The following TUSC3 variants were observed in gnomAD, a reference collection of about 807,000 sequenced individuals.
TUSC3 encodes dolichyl-diphosphooligosaccharide--protein glycosyltransferase subunit TUSC3.
A neutral mutation model predicts 44.8 loss-of-function variants in TUSC3; 45 were observed. That is an observed-to-expected ratio of 1.00 (90% CI 0.79 to 1.29). The LOEUF (loss-of-function observed/expected upper bound fraction) is 1.29. TUSC3 is among the 50% of genes most tolerant of loss of function. The probability of loss-of-function intolerance (pLI) is 0.00; values close to 1 mark genes in which losing one functional copy is unlikely to be tolerated. For missense variants in TUSC3, 519 were observed against 437.9 expected, an observed-to-expected ratio of 1.19 and a Z score of -1.65; for synonymous variants, 212 against 152.9, an observed-to-expected ratio of 1.39 and a Z score of -2.85.
At position 15,423,969 on chromosome 8, in the gene TUSC3, G is replaced by GTTTTTTT. The variant is rs112397215; in HGVS notation, n.91+6696_91+6702dup. ...TACAGCATTCATACTGTTTTGCTTTGTTTTTTTTTTTTTTTTTTTTTTTTT... is the reference window on the plus strand; with the variant it reads ...TACAGCATTCATACTGTTTTGCTTTGTTTTTTTTTTTTTTTTTTTTTTTTTTTTTTTT... On this transcript the variant is annotated intron_variant and non_coding_transcript_variant, in intron 1 of 5. Coordinates refer to the TUSC3 transcript ENST00000503191. Among the ~76,000 whole-genome samples the GTTTTTTT allele has an allele frequency of 2.0e-3, 142 of 70,320 alleles. 18 individuals carry two copies. Among genetic ancestry groups the GTTTTTTT allele is most frequent in the Non-Finnish European group, 2.6e-3 (83 of 31,926 alleles). 46.1% of individuals were successfully genotyped at this position (70,320 alleles called of 152,430 possible).
At chr8:15,819,993 G>C in the TUSC3 span, among the ~76,000 whole-genome samples, 1 of 152,074 alleles carries the variant, frequency 6.6e-6, no homozygotes, top group Non-Finnish European at 1.5e-5. Flanking sequence ...TTATTATGCT[G>C]ACTACATGTT....
At chr8:15,653,720 G>C (rs573211416) in intron 3 of TUSC3, among the ~76,000 whole-genome samples, 64 of 152,318 alleles carry the variant, frequency 4.2e-4, no homozygotes, top group African/African-American at 1.5e-3. Context: ...ATCTACAGAA[G>C]TGGAGAAGTA....
chr8:15,526,428 C>G (rs903212988), intron 2 of TUSC3, among the ~76,000 whole-genome samples: 1 of 152,068 alleles, frequency 6.6e-6, no homozygotes, highest in Non-Finnish European at 1.5e-5. Context: ...GTGTTCCTAC[C>G]CAAATCGCAT....
At chr8:15,825,536 T>A in the TUSC3 span, among the ~76,000 whole-genome samples, 9 of 152,064 alleles carry the variant, frequency 5.9e-5, no homozygotes, top group Admixed American at 3.3e-4. Context: ...AGCTACAATT[T>A]GTGATGAGAT....
intron 1 of TUSC3, among the ~76,000 whole-genome samples, chr8:15,448,829 C>T (rs1005943703): frequency 3.3e-5 from 5 of 152,174 alleles, no homozygotes; most frequent in Non-Finnish European, 5.9e-5. Flanking sequence ...TTTTGGTCAA[C>T]AGACTCTATA....
chr8:15,742,867 T>A (rs1209771081), intron 7 of TUSC3, among the ~76,000 whole-genome samples: 1 of 152,240 alleles, frequency 6.6e-6, no homozygotes, highest in East Asian at 1.9e-4. Flanking sequence ...AATTTCCCAT[T>A]TTCTTAATTC....
intron 2 of TUSC3, among the ~76,000 whole-genome samples, chr8:15,500,368 C>T (rs1466336874): frequency 3.3e-5 from 5 of 152,144 alleles, no homozygotes; most frequent in Admixed American, 2.6e-4. Flanking sequence ...CCTAAATTAC[C>T]ACCAAAGGTC....
intron 1 of TUSC3, among the ~76,000 whole-genome samples, chr8:15,465,409 C>G (rs1800401636): frequency 1.3e-5 from 2 of 152,108 alleles, no homozygotes; most frequent in Admixed American, 6.6e-5. Context: ...ATTCTGAATT[C>G]AAACCACCAA....
chr8:15,813,827 C>T, the TUSC3 span, among the ~76,000 whole-genome samples: 3 of 151,926 alleles, frequency 2.0e-5, no homozygotes, highest in Admixed American at 2.0e-4. Context: ...TGCTAACCAT[C>T]GAAGTATTAC....
intron 1 of TUSC3, among the ~76,000 whole-genome samples, chr8:15,568,905 A>G (rs950339266): frequency 3.3e-5 from 5 of 151,800 alleles, no homozygotes; most frequent in Admixed American, 6.6e-5. Context: ...TTTCATTCTA[A>G]GCTTTAACCT....
intron 1 of TUSC3, among the ~76,000 whole-genome samples, chr8:15,428,068 A>C (rs1177721686): frequency 4.0e-5 from 6 of 150,390 alleles, no homozygotes; most frequent in Non-Finnish European, 8.9e-5. Context: ...TGCTGCACCC[A>C]TTAACTCGTC....
In TUSC3 at chr8:15,676,713, A is replaced by C. The variant is rs187424874; in HGVS notation, c.798+2877A>C. Reference sequence around the variant, plus strand: ...GAATGCTGCTAAACACCTAAAATACAAAGGACAGCCTCCTATACCCAATTA... The same window carrying C: ...GAATGCTGCTAAACACCTAAAATACCAAGGACAGCCTCCTATACCCAATTA... On this transcript the variant is annotated intron_variant, in intron 6 of 10. Coordinates refer to ENST00000503731, the MANE Select transcript of TUSC3 (RefSeq NM_006765.4). 1.5e-3 allele frequency among the ~76,000 whole-genome samples: 235 copies of C among 152,324 alleles called. 2 individuals carry two copies. Among genetic ancestry groups the C allele is most frequent in the South Asian group, 0.013 (65 of 4,830 alleles).
At chr8:15,837,131 T>G in the TUSC3 span, among the ~76,000 whole-genome samples, 1 of 152,210 alleles carries the variant, frequency 6.6e-6, no homozygotes, top group Non-Finnish European at 1.5e-5. Context: ...CAGTGTATGC[T>G]GTAGTGGATA....
intron 2 of TUSC3, among the ~76,000 whole-genome samples, chr8:15,515,676 A>G (rs1801207199): frequency 6.6e-6 from 1 of 151,926 alleles, no homozygotes; most frequent in Admixed American, 6.6e-5. Flanking sequence ...ATGTATATAC[A>G]TATTTTTTTG....
chr8:15,573,284 T>C (rs1051001644), intron 1 of TUSC3, among the ~76,000 whole-genome samples: 3 of 148,322 alleles, frequency 2.0e-5, no homozygotes, highest in Admixed American at 1.4e-4. Context: ...AGGCCTAGGA[T>C]TATTCTGTTT....
At chr8:15,506,535 T>G (rs994169383) in intron 2 of TUSC3, among the ~76,000 whole-genome samples, 1 of 152,194 alleles carries the variant, frequency 6.6e-6, no homozygotes, top group East Asian at 1.9e-4. Context: ...GGAGGTTTAA[T>G]GGACTCACAG....
chr8:15,429,607 A>G lies in TUSC3; in HGVS notation n.91+12302A>G, dbSNP rs1294385536. Among the ~76,000 whole-genome samples the G allele has an allele frequency of 7.3e-5, 11 of 151,608 alleles. 1 individual carries two copies. The highest frequency in any genetic ancestry group is 3.2e-3 in the Middle Eastern group (1 of 314). The stretch of plus-strand genomic sequence containing the variant: ...TGATATTGATTCTTCCTACCCATGA[A>G]CATGGACTGTTCTTCCATTTGTTTG... On this transcript the variant is annotated intron_variant and non_coding_transcript_variant, in intron 1 of 5. Coordinates refer to the TUSC3 transcript ENST00000503191.
intron 3 of TUSC3, among the ~76,000 whole-genome samples, chr8:15,655,098 C>G (rs979454416): frequency 2.0e-5 from 3 of 152,056 alleles, no homozygotes; most frequent in Non-Finnish European, 4.4e-5. Context: ...GGTCCCTCAC[C>G]CCAGGATGTC....
At chr8:15,847,754 T>C in the TUSC3 span, among the ~76,000 whole-genome samples, 2 of 152,162 alleles carry the variant, frequency 1.3e-5, no homozygotes, top group African/African-American at 2.4e-5. Flanking sequence ...ATTTTCAATA[T>C]ATCTGCTTTT....
Sources: gnomAD v4.1 joint callset for allele counts (sites outside exome capture counted in the v4.1 genomes callset) on GRCh38, gnomAD v4.1.1 for gene constraint, MANE v1.5 for transcripts, NCBI Gene and HGNC (gene_info 2026-07-23, HGNC 2026-07-21) for gene names.